ACYP2: variants seen among roughly 807,000 people sequenced by gnomAD.
ACYP2 encodes the protein acylphosphatase 2.
Under a neutral mutation model 11.2 loss-of-function variants are expected in ACYP2, and 12 were observed. That is an observed-to-expected ratio of 1.08 (90% CI 0.69 to 1.74). The LOEUF is 1.74. Ranked by LOEUF, ACYP2 falls within the 40% of genes most tolerant of loss-of-function variation. The pLI, the probability that ACYP2 is intolerant of heterozygous loss-of-function variation, is 0.00. For synonymous variants in ACYP2, 43 were observed against 32.2 expected, an observed-to-expected ratio of 1.33 and a Z score of -1.13; for missense variants, 134 against 101.9, an observed-to-expected ratio of 1.31 and a Z score of -1.35.
At chr2:54,214,139 C>T (rs1277707217) in intron 6 of ACYP2, among the ~76,000 whole-genome samples, 3 of 151,964 alleles carry the variant, frequency 2.0e-5, no homozygotes, top group South Asian at 2.1e-4. Context: ...TCTGGATATT[C>T]GAGCTTTGTT....
intron 6 of ACYP2, among the ~76,000 whole-genome samples, chr2:54,163,426 A>G (rs1428615684): frequency 6.6e-6 from 1 of 152,224 alleles, no homozygotes; most frequent in Non-Finnish European, 1.5e-5. Flanking sequence ...TATAATCAGC[A>G]GTGGACACCC....
intron 6 of ACYP2, chr2:54,255,139 G>A: frequency 6.2e-7 from 1 of 1,614,182 alleles, no homozygotes; most frequent in Non-Finnish European, 8.5e-7. Flanking sequence ...ATGAATGAAG[G>A]ACTGGGGTCC....
chr2:54,140,929 A>T (rs1036204129), intron 6 of ACYP2, among the ~76,000 whole-genome samples: 1 of 152,184 alleles, frequency 6.6e-6, no homozygotes, highest in Non-Finnish European at 1.5e-5. Flanking sequence ...AACAGCTGTA[A>T]ACAATTTACA....
At chr2:54,025,939 A>G (rs930262416) in intron 2 of ACYP2, among the ~76,000 whole-genome samples, 1 of 152,202 alleles carries the variant, frequency 6.6e-6, no homozygotes, top group Non-Finnish European at 1.5e-5. Flanking sequence ...CAACATGGTG[A>G]AACCCCATCT....
At chr2:54,132,737 T>C (rs893371405) in intron 4 of ACYP2, among the ~76,000 whole-genome samples, 4 of 149,416 alleles carry the variant, frequency 2.7e-5, no homozygotes, top group Non-Finnish European at 4.4e-5. Context: ...TAGTGTACAA[T>C]TGAATGATTT....
intron 6 of ACYP2, among the ~76,000 whole-genome samples, chr2:54,156,092 C>T (rs1231827344): frequency 1.3e-5 from 2 of 152,116 alleles, no homozygotes; most frequent in Admixed American, 6.5e-5. Flanking sequence ...TCCATGTGCT[C>T]TTGAGAAGAA....
intron 6 of ACYP2, among the ~76,000 whole-genome samples, chr2:54,213,449 T>C (rs928286367): frequency 1.3e-5 from 2 of 152,218 alleles, no homozygotes; most frequent in East Asian, 3.8e-4. Flanking sequence ...CCTTTGGGTA[T>C]AGACCCAGTA....
chr2:54,039,305 C>T (rs1448086360), intron 2 of ACYP2, among the ~76,000 whole-genome samples: 3 of 121,840 alleles, frequency 2.5e-5, no homozygotes, highest in African/African-American at 6.3e-5. Flanking sequence ...TTTTTTTTGG[C>T]GGGGGGGGAC....
intron 6 of ACYP2, among the ~76,000 whole-genome samples, chr2:54,282,249 A>G (rs1371268508): frequency 3.3e-5 from 5 of 152,260 alleles, no homozygotes; most frequent in Admixed American, 3.3e-4. Flanking sequence ...TGTTAGGGTT[A>G]GAGATTGGGG....
At chr2:54,178,360 C>T (rs1443648819) in intron 6 of ACYP2, among the ~76,000 whole-genome samples, 1 of 152,066 alleles carries the variant, frequency 6.6e-6, no homozygotes, top group Non-Finnish European at 1.5e-5. Context: ...AGTTGTTTAT[C>T]CAGTAGTGCT....
At chr2:54,065,083 CTAAATAAATAAATAAA>C (rs58007169) in intron 4 of ACYP2, among the ~76,000 whole-genome samples, 36,945 of 148,874 alleles carry the variant, frequency 0.25, 5,164 homozygotes, top group South Asian at 0.47. Context: ...GACTCCATCT[CTAAATAAATAAATAAA>C]TAAATAAATA....
chr2:54,088,076 G>A (rs1242933329), intron 4 of ACYP2, among the ~76,000 whole-genome samples: 1 of 152,200 alleles, frequency 6.6e-6, no homozygotes, highest in Non-Finnish European at 1.5e-5. Flanking sequence ...GGCCCCTGCA[G>A]CTGGGAGTCT....
chr2:53,972,998 A>G (rs978062380), intron 1 of ACYP2, among the ~76,000 whole-genome samples: 9 of 152,172 alleles, frequency 5.9e-5, no homozygotes, highest in African/African-American at 2.2e-4. Flanking sequence ...CCCTTCACAA[A>G]TCTCTGAGGA....
chr2:54,006,728 G>A (rs1673083963), intron 2 of ACYP2, among the ~76,000 whole-genome samples: 1 of 152,132 alleles, frequency 6.6e-6, no homozygotes, highest in Non-Finnish European at 1.5e-5. Context: ...GATCTCTTGG[G>A]CTCAAACTAT....
At chr2:54,140,202 A>G (rs895883875) in intron 6 of ACYP2, among the ~76,000 whole-genome samples, 2 of 152,196 alleles carry the variant, frequency 1.3e-5, no homozygotes, top group Non-Finnish European at 2.9e-5. Context: ...CTGATAGTTC[A>G]ATGGAAGAGA....
chr2:54,128,373 C>A (rs1280478735), intron 4 of ACYP2, among the ~76,000 whole-genome samples: 37 of 150,666 alleles, frequency 2.5e-4, no homozygotes, highest in African/African-American at 9.2e-4. Context: ...TTTTCAAATT[C>A]CATTTTTTTT....
intron 6 of ACYP2, chr2:54,255,998 G>A (rs774470239): frequency 1.9e-6 from 3 of 1,614,180 alleles, no homozygotes; most frequent in East Asian, 2.2e-5. Context: ...GGAAGCCGGG[G>A]CGGTGGGAAC....
Position 54,278,232 on chromosome 2 carries a change from AC to A in ACYP2, c.405-26455del, listed in dbSNP as rs1336775792. 3.3e-5 allele frequency among the ~76,000 whole-genome samples: 5 copies of A among 152,108 alleles called. No individual in the cohort carries two copies. In the South Asian group the frequency reaches 1.0e-3, roughly 32 times the overall value. ...TGACCTCGTGATCCGCCCGCCTCGG[AC>A]TCCCAAATTGCTGGGATTACAGGCG... On this transcript the variant is annotated intron_variant, in intron 6 of 6. Transcript: ENST00000607452.
intron 6 of ACYP2, among the ~76,000 whole-genome samples, chr2:54,210,408 A>T (rs1218107743): frequency 7.1e-6 from 1 of 141,446 alleles, no homozygotes; most frequent in Non-Finnish European, 1.6e-5. Flanking sequence ...ATAACTCTAT[A>T]CAAATAAAAC....
Sources: allele counts gnomAD v4.1 joint callset (sites outside exome capture counted in the v4.1 genomes callset), GRCh38; gene constraint gnomAD v4.1.1; transcripts MANE v1.5; gene names NCBI Gene and HGNC (gene_info 2026-07-23, HGNC 2026-07-21).